Variants in RFX3 observed in about 807,000 individuals in gnomAD.
RFX3 encodes the protein regulatory factor X3, also known as transcription factor RFX3.
RFX3 carries 14 observed loss-of-function variants against 98.6 expected under a neutral mutation model. The ratio of observed to expected loss-of-function variants is 0.14; its 90% CI spans 0.09 to 0.22. The LOEUF (loss-of-function observed/expected upper bound fraction) is 0.22. Ranked by LOEUF, RFX3 falls within the 10% of genes least tolerant of loss-of-function variation. RFX3 has a pLI of 1.00. For synonymous variants in RFX3, 383 were observed against 328.4 expected (o/e 1.17, Z -1.80); for missense variants, 639 against 926.9 (o/e 0.69, Z 4.03).
chr9:3,379,613 T>C (rs1361889312), intron 2 of RFX3, among the ~76,000 whole-genome samples: 1 of 152,218 alleles, frequency 6.6e-6, no homozygotes, highest in Non-Finnish European at 1.5e-5. Context: ...GCTCATCTAT[T>C]AATAGATTCA....
intron 15 of RFX3, among the ~76,000 whole-genome samples, chr9:3,237,233 T>C (rs1277262645): frequency 6.6e-6 from 1 of 152,230 alleles, no homozygotes; most frequent in Non-Finnish European, 1.5e-5. Context: ...TCTATTTTGT[T>C]GTTTGTGTTT....
At chr9:3,341,657 G>A (rs72699063) in intron 3 of RFX3, among the ~76,000 whole-genome samples, 16,283 of 152,164 alleles carry the variant, frequency 0.11, 901 homozygotes, top group Middle Eastern at 0.16. Flanking sequence ...ATTGAGCACC[G>A]ATCATGGGCC....
chr9:3,333,442 T>TTTG (rs1563942001), intron 3 of RFX3, among the ~76,000 whole-genome samples: 1 of 151,738 alleles, frequency 6.6e-6, no homozygotes, highest in African/African-American at 2.4e-5. Context: ...AATGTTTTTT[T>TTTG]TTTTTTTTTT....
At chr9:3,354,304 A>C (rs1262823593) in intron 2 of RFX3, among the ~76,000 whole-genome samples, 1 of 151,946 alleles carries the variant, frequency 6.6e-6, no homozygotes, top group Non-Finnish European at 1.5e-5. Flanking sequence ...ACAGACAAAG[A>C]AGCCAAAGTT....
intron 2 of RFX3, among the ~76,000 whole-genome samples, chr9:3,356,184 GGAAGGAAGGAAGGAAA>G (rs1835741017): frequency 7.0e-6 from 1 of 142,998 alleles, no homozygotes; most frequent in South Asian, 2.2e-4. Flanking sequence ...AAGGAAGGAA[GGAAGGAAGGAAGGAAA>G]GAAGGAAAGA....
chr9:3,310,997 C>T (rs966343047), intron 4 of RFX3, among the ~76,000 whole-genome samples: 1 of 151,976 alleles, frequency 6.6e-6, no homozygotes, highest in African/African-American at 2.4e-5. Flanking sequence ...GATGAAGTTA[C>T]TAGGCAATAA....
chr9:3,364,183 T>A (rs1356846534), intron 2 of RFX3: 1 of 155,596 alleles, frequency 6.4e-6, no homozygotes, highest in Non-Finnish European at 1.4e-5. Flanking sequence ...CCATTTTCAA[T>A]TCTCTTTAAA....
At chr9:3,316,336 T>TA (rs1316652347) in intron 4 of RFX3, among the ~76,000 whole-genome samples, 2 of 152,110 alleles carry the variant, frequency 1.3e-5, no homozygotes, top group Non-Finnish European at 2.9e-5. Context: ...CCCTTCATGC[T>TA]AAAAAATCTC....
intron 1 of RFX3, among the ~76,000 whole-genome samples, chr9:3,431,406 C>G (rs868160402): frequency 5.9e-5 from 9 of 152,068 alleles, no homozygotes; most frequent in South Asian, 4.1e-4. Flanking sequence ...CTGAGGTTGC[C>G]CACTTTTTCA....
At chr9:3,305,338 C>T (rs1046042680) in intron 4 of RFX3, among the ~76,000 whole-genome samples, 1 of 151,836 alleles carries the variant, frequency 6.6e-6, no homozygotes, top group African/African-American at 2.4e-5. Flanking sequence ...ATGAAAAATG[C>T]TAATTTTCAG....
At chr9:3,275,672 A>C (rs1825113610) in intron 8 of RFX3, 60 bp from the exon 9 acceptor site, 1 of 983,744 alleles carries the variant, frequency 1.0e-6, no homozygotes, top group Non-Finnish European at 1.5e-6. Context: ...TTACAGATTA[A>C]TGAGGGAAAA....
At chr9:3,313,548 A>G (rs1830214482) in intron 4 of RFX3, among the ~76,000 whole-genome samples, 1 of 152,252 alleles carries the variant, frequency 6.6e-6, no homozygotes, top group South Asian at 2.1e-4. Context: ...AGAAGACTTC[A>G]GACGATCGGC....
chr9:3,247,424 T>G, intron 15 of RFX3: 2 of 786,712 alleles, frequency 2.5e-6, no homozygotes, highest in Non-Finnish European at 3.1e-6. Context: ...AGTAATCATT[T>G]AACCTTTCTG....
At chr9:3,385,638 G>A (rs1360356814) in intron 2 of RFX3, among the ~76,000 whole-genome samples, 2 of 149,898 alleles carry the variant, frequency 1.3e-5, no homozygotes, top group Non-Finnish European at 3.0e-5. Context: ...AACCCAGGAG[G>A]CAGAGGTTGC....
At chr9:3,427,309 TAC>T (rs1844162085) in intron 1 of RFX3, among the ~76,000 whole-genome samples, 5 of 142,748 alleles carry the variant, frequency 3.5e-5, no homozygotes, top group Non-Finnish European at 6.1e-5. Flanking sequence ...TATATTGTAT[TAC>T]ATAATAATAC....
intron 8 of RFX3, among the ~76,000 whole-genome samples, chr9:3,276,032 A>G (rs1162560387): frequency 6.6e-6 from 1 of 152,172 alleles, no homozygotes; most frequent in Non-Finnish European, 1.5e-5. Flanking sequence ...ATAAACCTAA[A>G]GAGCTACAAA....
At chr9:3,344,762 A>C in intron 3 of RFX3, 1 of 677,436 alleles carries the variant, frequency 1.5e-6, no homozygotes, top group East Asian at 2.7e-5. Flanking sequence ...AAAGCCATTT[A>C]TTTTCCCTGA....
intron 1 of RFX3, among the ~76,000 whole-genome samples, chr9:3,518,720 C>A (rs531559035): frequency 6.6e-6 from 1 of 152,224 alleles, no homozygotes; most frequent in South Asian, 2.1e-4. Flanking sequence ...GTTACTTAAA[C>A]ATCTTTAATA....
intron 12 of RFX3, among the ~76,000 whole-genome samples, chr9:3,265,253 GTGGCTGGCCCTAC>G (rs1239913892): frequency 6.6e-6 from 1 of 152,158 alleles, no homozygotes; most frequent in Non-Finnish European, 1.5e-5. Flanking sequence ...ATAGCCACAC[GTGGCTGGCCCTAC>G]TGTGAAAGCA....
Sources: allele counts gnomAD v4.1 joint callset (sites outside exome capture counted in the v4.1 genomes callset), GRCh38; gene constraint gnomAD v4.1.1; transcripts MANE v1.5; gene names NCBI Gene and HGNC (gene_info 2026-07-23, HGNC 2026-07-21).